Variants in ZNF611 observed in about 807,000 individuals in gnomAD.
ZNF611 encodes zinc finger protein 611.
A neutral mutation model predicts 8.9 loss-of-function variants in ZNF611; 6 were observed. The observed-to-expected ratio is 0.68, with a 90% CI of 0.37 to 1.34. ZNF611 has a LOEUF of 1.34. Among genes scored for constraint, ZNF611 ranks in the 40% most tolerant of loss-of-function variants. The pLI is 0.02. For missense variants in ZNF611, 874 were observed against 841.3 expected, an observed-to-expected ratio of 1.04 and a Z score of -0.48; for synonymous variants, 262 against 279.7, an observed-to-expected ratio of 0.94 and a Z score of 0.63.
rs2062237296 is a variant in ZNF611 at position 52,705,749 on chromosome 19, T to A, written c.1306A>T (p.Ser436Cys). Residue 436 changes from serine to cysteine, a missense_variant, in exon 6 of 6, where the codon AGT becomes TGT. By Grantham distance (112) the Ser-to-Cys change is moderately radical (BLOSUM62 -1). Transcript: ENST00000652185. ...TGGCATACAAGGGATGACTTGTGAC[T>A]GAAGGTCTTGCCACACTCATTACAT... is the stretch of plus-strand genomic sequence containing the variant. ...YKCNECGKTF[S>C]HKSSLVCHHR... is the part of the protein sequence containing the mutation. 6.2e-7 allele frequency: 1 copy of A among 1,613,952 alleles called. No individual in the cohort carries two copies. The highest frequency in any genetic ancestry group is 1.7e-5 in the Admixed American group (1 of 60,002).
intron 1 of ZNF611, among the ~76,000 whole-genome samples, chr19:52,732,397 T>A (rs77345924): frequency 3.3e-5 from 3 of 91,246 alleles, no homozygotes; most frequent in Non-Finnish European, 2.3e-5. Flanking sequence ...TGAGTTATTC[T>A]GAATAACTCA....
At position 52,705,740 on chromosome 19, in the gene ZNF611, A is replaced by G; in HGVS notation, c.1315T>C (p.Ser439Pro). ...AGTCTATGATGGCATACAAGGGATG[A>G]CTTGTGACTGAAGGTCTTGCCACAC... is the stretch of plus-strand genomic sequence containing the variant. ...NECGKTFSHK[S>P]SLVCHHRLHG... The change falls in exon 6 of 6, where the codon TCA becomes CCA. Residue 439 changes from serine (S) to proline (P), a missense_variant. Ser to Pro is a moderately conservative substitution (Grantham distance 74). Transcript: ENST00000652185. 6.2e-7 allele frequency: 1 copy of G among 1,614,094 alleles called. No individual in the cohort carries two copies.
intron 5 of ZNF611, among the ~76,000 whole-genome samples, chr19:52,712,080 G>A (rs1212781716): frequency 4.6e-5 from 7 of 152,118 alleles, no homozygotes; most frequent in Non-Finnish European, 8.8e-5. Flanking sequence ...GAATGAAAGA[G>A]ATCCAACAAT....
At chr19:52,726,049 T>G (rs867456234) in intron 3 of ZNF611, among the ~76,000 whole-genome samples, 5 of 152,250 alleles carry the variant, frequency 3.3e-5, no homozygotes, top group Non-Finnish European at 4.4e-5. Flanking sequence ...AAGCCCTGCC[T>G]GGGCGGAACA....
At chr19:52,725,344 C>T (rs2062384749) in intron 3 of ZNF611, among the ~76,000 whole-genome samples, 1 of 152,186 alleles carries the variant, frequency 6.6e-6, no homozygotes, top group Non-Finnish European at 1.5e-5. Context: ...CCCAGCCTCC[C>T]CAGGACTGGG....
intron 2 of ZNF611, among the ~76,000 whole-genome samples, chr19:52,729,594 C>T (rs890745519): frequency 6.7e-6 from 1 of 149,914 alleles, no homozygotes; most frequent in African/African-American, 2.5e-5. Flanking sequence ...TATAACCACA[C>T]AGAACAGGCA....
chr19:52,714,952 C>T (rs1427154379), intron 4 of ZNF611, among the ~76,000 whole-genome samples: 10 of 151,966 alleles, frequency 6.6e-5, no homozygotes, highest in Middle Eastern at 3.4e-3. Flanking sequence ...GAGCCAAGAT[C>T]GCACCACTGC....
At chr19:52,717,249 C>T (rs1273438214) in intron 3 of ZNF611, among the ~76,000 whole-genome samples, 1 of 152,162 alleles carries the variant, frequency 6.6e-6, no homozygotes, top group Admixed American at 6.5e-5. Context: ...GCAAAATAAA[C>T]TTTCTAAATT....
Position 52,719,976 on chromosome 19 carries a change from G to T in ZNF611, c.-19-4063C>A, listed in dbSNP as rs371200015. 3.3e-5 allele frequency among the ~76,000 whole-genome samples: 5 copies of T among 152,282 alleles called. No individual in the cohort carries two copies. In the East Asian group the frequency reaches 5.8e-4, roughly 18 times the overall value. Reference sequence around the variant, plus strand: ...TTAGGGAGTGGTGATGACTTTTAAGGAGCATGCTGCCTTTAAGCATCTGTT... The same window carrying T: ...TTAGGGAGTGGTGATGACTTTTAAGTAGCATGCTGCCTTTAAGCATCTGTT... On this transcript the variant is annotated intron_variant, in intron 3 of 5. Coordinates refer to ENST00000652185, the MANE Select transcript of ZNF611 (RefSeq NM_001161499.2).
chr19:52,704,664 G>A lies in ZNF611; in HGVS notation c.*273C>T, dbSNP rs537669549. 5.7e-6 allele frequency: 9 copies of A among 1,591,432 alleles called. No individual in the cohort carries two copies. The highest frequency in any genetic ancestry group is 6.9e-6 in the Non-Finnish European group (8 of 1,160,326). On this transcript the variant is annotated 3_prime_UTR_variant, in exon 6 of 6. Coordinates refer to ENST00000652185, the MANE Select transcript of ZNF611 (RefSeq NM_001161499.2). ...TTGTAATCGTTGTAGCATTACTGAA[G>A]ACTTTGTGACAATCATTACATTAGT...
intron 5 of ZNF611, among the ~76,000 whole-genome samples, chr19:52,711,691 C>T (rs1409129186): frequency 6.6e-6 from 1 of 152,092 alleles, no homozygotes; most frequent in Non-Finnish European, 1.5e-5. Flanking sequence ...GTCATGATGT[C>T]CTGCACACAC....
chr19:52,715,806 T>C (rs763309470), intron 4 of ZNF611, 26 bp downstream of exon 4: 1 of 1,608,172 alleles, frequency 6.2e-7, no homozygotes, highest in South Asian at 1.1e-5. Context: ...AGACACAGAT[T>C]AATCCACAGA....
At chr19:52,718,731 A>T (rs2062334664) in intron 3 of ZNF611, among the ~76,000 whole-genome samples, 1 of 152,124 alleles carries the variant, frequency 6.6e-6, no homozygotes, top group Admixed American at 6.6e-5. Context: ...TCCAGAGGCG[A>T]ACTTTGCAGT....
At chr19:52,710,612 A>T (rs1413970105) in intron 5 of ZNF611, among the ~76,000 whole-genome samples, 6 of 151,878 alleles carry the variant, frequency 4.0e-5, no homozygotes, top group African/African-American at 1.5e-4. Flanking sequence ...CCATCTACCC[A>T]CCTCAGCCTT....
Position 52,717,823 on chromosome 19 carries a change from G to A in ZNF611, c.-19-1910C>T, listed in dbSNP as rs1389350087. 4 of 373,368 alleles carry A rather than the reference G, an allele frequency of 1.1e-5. No homozygotes were observed. The Admixed American group carries it at 1.9e-4, about 18-fold the overall frequency. The allele number at this position is 373,368 out of a possible 1,614,324, so 23.1% of individuals were successfully genotyped here. On this transcript the variant is annotated intron_variant, in intron 3 of 5. Coordinates refer to ENST00000652185, the MANE Select transcript of ZNF611 (RefSeq NM_001161499.2). ...ACTTGAACTAAATTTTCATGTTAGGGTAAGGAAAAAAGGTCCTTGATATCT... is the reference window on the plus strand; with the variant it reads ...ACTTGAACTAAATTTTCATGTTAGGATAAGGAAAAAAGGTCCTTGATATCT...
intron 1 of ZNF611, among the ~76,000 whole-genome samples, chr19:52,733,478 T>A (rs1048742868): frequency 6.6e-6 from 1 of 152,052 alleles, no homozygotes; most frequent in South Asian, 2.1e-4. Flanking sequence ...TTACTTACTT[T>A]TTTGGCGGGG....
chr19:52,704,519 T>G lies in ZNF611; in HGVS notation c.*418A>C. 1 of 1,115,964 alleles carries G rather than the reference T, an allele frequency of 9.0e-7. No individual in the cohort carries two copies. The highest frequency in any genetic ancestry group is 2.4e-5 in the East Asian group (1 of 40,994). The allele number at this position is 1,115,964 out of a possible 1,614,324, so 69.1% of individuals were successfully genotyped here. On this transcript the variant is annotated 3_prime_UTR_variant, in exon 6 of 6. Coordinates refer to ENST00000652185, the MANE Select transcript of ZNF611 (RefSeq NM_001161499.2). ...AAGACCTTGGCACAGTCATGACATT[T>G]GTAAGGTTTCTCTCCAGTATGAGTT...
At chr19:52,715,090 T>C (rs1486136076) in intron 4 of ZNF611, among the ~76,000 whole-genome samples, 1 of 152,174 alleles carries the variant, frequency 6.6e-6, no homozygotes, top group Non-Finnish European at 1.5e-5. Flanking sequence ...TACCGGGTGA[T>C]ATTAAGTCTC....
At chr19:52,722,967 G>A (rs1050241384) in intron 3 of ZNF611, among the ~76,000 whole-genome samples, 11 of 127,142 alleles carry the variant, frequency 8.7e-5, no homozygotes, top group South Asian at 2.7e-4. Context: ...GGCTGGTCTT[G>A]AACTCCTGGA....
Sources: allele counts gnomAD v4.1 joint callset (sites outside exome capture counted in the v4.1 genomes callset), GRCh38; gene constraint gnomAD v4.1.1; transcripts MANE v1.5; gene names NCBI Gene and HGNC (gene_info 2026-07-23, HGNC 2026-07-21).